FUT4: variants seen among roughly 807,000 people sequenced by gnomAD.
FUT4 encodes the protein fucosyltransferase 4.
FUT4 carries 1 observed loss-of-function variant against 3.8 expected under a neutral mutation model. That is an observed-to-expected ratio of 0.26 (90% confidence interval 0.09 to 1.25). The LOEUF (loss-of-function observed/expected upper bound fraction) is 1.25. FUT4 is among the 50% of genes most tolerant of loss of function. The pLI, the probability that FUT4 is intolerant of heterozygous loss-of-function variation, is 0.47. For missense variants in FUT4, 880 were observed against 768.2 expected (o/e 1.15, Z -1.72); for synonymous variants, 417 against 355.3 (o/e 1.17, Z -1.95).
chr11:94,545,628 T>G lies in FUT4; in HGVS notation c.1495T>G (p.Phe499Val), dbSNP rs2135198828. 1 of 1,613,174 alleles carries G rather than the reference T, an allele frequency of 6.2e-7. No individual in the cohort carries two copies. The highest frequency in any genetic ancestry group is 2.2e-5 in the East Asian group (1 of 44,852). ...RRSYAVHITS[F>V]WDEPWCRVCQ... Reference sequence around the variant, plus strand: ...GAGCTACGCTGTCCACATCACCTCCTTCTGGGACGAGCCTTGGTGCCGGGT... The same window carrying G: ...GAGCTACGCTGTCCACATCACCTCCGTCTGGGACGAGCCTTGGTGCCGGGT... Residue 499 changes from phenylalanine to valine, a missense_variant, in exon 1 of 1, where the codon TTC becomes GTC. By Grantham distance (50) the Phe-to-Val change is conservative (BLOSUM62 -1). Around this residue, in one of 3 missense-constraint regions of FUT4, gnomAD observed 424 missense variants for 400.4 expected, o/e 1.06. Transcript: ENST00000358752.
Position 94,544,482 on chromosome 11 carries a change from G to A in FUT4, c.349G>A (p.Ala117Thr). ...RSSTPADAWR[A>T]EAALPVRAMG... ...CTCCACGCCTGCGGACGCGTGGCGA[G>A]CGGAGGCAGCGCTGCCTGTTCGCGC... The change falls in exon 1 of 1, where the codon GCG (alanine) becomes ACG (threonine). Residue 117 changes from alanine to threonine, a missense_variant. Around this residue, in one of 3 missense-constraint regions of FUT4, gnomAD observed 447 missense variants for 339.5 expected, o/e 1.32. Coordinates refer to ENST00000358752, the MANE Select transcript of FUT4 (RefSeq NM_002033.4). 1 of 1,488,498 alleles carries A rather than the reference G, an allele frequency of 6.7e-7. No homozygotes were observed. The allele number at this position is 1,488,498 out of a possible 1,614,324, so 92.2% of individuals were successfully genotyped here.
chr11:94,545,750 C>T lies in FUT4; in HGVS notation c.*24C>T, dbSNP rs767968575. On this transcript the variant is annotated 3_prime_UTR_variant, in exon 1 of 1. Coordinates refer to ENST00000358752, the MANE Select transcript of FUT4 (RefSeq NM_002033.4). ...GAAGCCGCGCTCCCCTGGAAGCGAC[C>T]CAGGGGAGGCCAAGTTGTCAGCTTT... 3.1e-6 allele frequency: 5 copies of T among 1,594,024 alleles called. No homozygotes were observed. In the South Asian group the frequency reaches 5.6e-5, roughly 18 times the overall value.
In FUT4 at chr11:94,544,592, C is replaced by T. The variant is rs2135196863; in HGVS notation, c.459C>T (p.Val153=). 1.4e-6 allele frequency: 2 copies of T among 1,449,198 alleles called. No homozygotes were observed. Among genetic ancestry groups the T allele is most frequent in the Admixed American group, 2.7e-5 (1 of 36,996 alleles). The allele number at this position is 1,449,198 out of a possible 1,614,324, so 89.8% of individuals were successfully genotyped here. A position where few individuals can be genotyped will look rare whatever the true frequency, so the allele number is the denominator to read the frequency against. The change falls in exon 1 of 1, where the codon GTC becomes GTT. Residue 153 remains valine, a synonymous_variant. Coordinates refer to ENST00000358752, the MANE Select transcript of FUT4 (RefSeq NM_002033.4). ...WRRGRGLPWT[V]CVLAAAGLTC... ...GAGGCCGGGGGCTGCCATGGACCGT[C>T]TGTGTGCTGGCGGCCGCCGGCTTGA...
At position 94,549,275 on chromosome 11, in the gene FUT4, T is replaced by G. The variant is rs946488598; in HGVS notation, c.*3549T>G. On this transcript the variant is annotated 3_prime_UTR_variant, in exon 1 of 1. Coordinates refer to ENST00000358752, the MANE Select transcript of FUT4 (RefSeq NM_002033.4). ...AGTACTCAGGATAGTGCCTGGCATG[T>G]AGGAAGCACCTGGAAAATATTCGCT... 1 of 167,082 alleles carries G rather than the reference T, an allele frequency of 6.0e-6. No homozygotes were observed. Among genetic ancestry groups the G allele is most frequent in the Non-Finnish European group, 1.5e-5 (1 of 68,126 alleles). 10.3% of individuals were successfully genotyped at this position (167,082 alleles called of 1,614,324 possible). A position where few individuals can be genotyped will look rare whatever the true frequency, so the allele number is the denominator to read the frequency against.
In FUT4 at chr11:94,545,444, G is replaced by A. The variant is rs769562458; in HGVS notation, c.1311G>A (p.Pro437=). 9.9e-6 allele frequency: 16 copies of A among 1,613,044 alleles called. No homozygotes were observed. In the African/African-American group the frequency reaches 1.5e-4, roughly 15 times the overall value. The change falls in exon 1 of 1, where the codon CCG becomes CCA. Residue 437 remains proline (P), a synonymous_variant. Transcript: ENST00000358752. ...WRNALLAGAV[P]VVLGPDRANY... The stretch of plus-strand genomic sequence containing the variant: ...ACGCGTTGCTCGCTGGGGCGGTGCC[G>A]GTGGTGCTGGGCCCAGACCGTGCCA...
Position 94,549,031 on chromosome 11 carries a change from T to C in FUT4, c.*3305T>C. On this transcript the variant is annotated 3_prime_UTR_variant, in exon 1 of 1. Transcript: ENST00000358752. ...ACTCTTGAGTTTTAGCTTTCTCCTTTACAATGCATGAATGCCTATCCCCCT... is the reference window on the plus strand; with the variant it reads ...ACTCTTGAGTTTTAGCTTTCTCCTTCACAATGCATGAATGCCTATCCCCCT... The C allele has an allele frequency of 6.0e-6, 1 of 167,152 alleles. No individual in the cohort carries two copies. 10.4% of individuals were successfully genotyped at this position (167,152 alleles called of 1,614,324 possible).
chr11:94,547,035 G>C lies in FUT4; in HGVS notation c.*1309G>C, dbSNP rs942836910. The C allele has an allele frequency of 3.5e-4, 58 of 167,084 alleles. No homozygotes were observed. The highest frequency in any genetic ancestry group is 1.4e-3 in the African/African-American group (56 of 41,480). The allele number at this position is 167,084 out of a possible 1,614,324, so 10.4% of individuals were successfully genotyped here. A position where few individuals can be genotyped will look rare whatever the true frequency, so the allele number is the denominator to read the frequency against. On this transcript the variant is annotated 3_prime_UTR_variant, in exon 1 of 1. Transcript: ENST00000358752. ...ATCCTCACATTTCTAGTGCCCTTGAGACTGTGCTATGGAACCAATCTTGAA... is the reference window on the plus strand; with the variant it reads ...ATCCTCACATTTCTAGTGCCCTTGACACTGTGCTATGGAACCAATCTTGAA...
In FUT4 at chr11:94,545,012, T is replaced by C. The variant is rs1426428363; in HGVS notation, c.879T>C (p.Val293=). 1 of 1,609,312 alleles carries C rather than the reference T, an allele frequency of 6.2e-7. No individual in the cohort carries two copies. Among genetic ancestry groups the C allele is most frequent in the Non-Finnish European group, 8.5e-7 (1 of 1,177,748 alleles). Reference sequence around the variant, plus strand: ...CCAGGCCCCCGGGCCAGCGCTGGGTTTGGATGAACTTCGAGTCGCCCTCGC... The same window carrying C: ...CCAGGCCCCCGGGCCAGCGCTGGGTCTGGATGAACTTCGAGTCGCCCTCGC... ...SSPRPPGQRW[V]WMNFESPSHS... The change falls in exon 1 of 1, where the codon GTT becomes GTC. Residue 293 remains valine (V), a synonymous_variant. Coordinates refer to ENST00000358752, the MANE Select transcript of FUT4 (RefSeq NM_002033.4).
rs376143065 is a variant in FUT4, at chr11:94,545,014, G to A, written c.881G>A (p.Trp294Ter). Reference protein sequence around the residue: ...SPRPPGQRWVWMNFESPSHSP... With the variant: ...SPRPPGQRWV Reference sequence around the variant, plus strand: ...AGGCCCCCGGGCCAGCGCTGGGTTTGGATGAACTTCGAGTCGCCCTCGCAC... The same window carrying A: ...AGGCCCCCGGGCCAGCGCTGGGTTTAGATGAACTTCGAGTCGCCCTCGCAC... The change falls in exon 1 of 1, where the codon TGG (tryptophan) becomes TAG (stop). Residue 294 changes from tryptophan to a stop codon, truncating the protein, a stop_gained. Coordinates refer to ENST00000358752, the MANE Select transcript of FUT4 (RefSeq NM_002033.4). LOFTEE classifies it low-confidence loss of function (END_TRUNC). 1.4e-5 allele frequency: 23 copies of A among 1,609,406 alleles called. No individual in the cohort carries two copies. The highest frequency in any genetic ancestry group is 1.8e-5 in the Non-Finnish European group (21 of 1,177,808).
rs536791974 is a variant in FUT4 at position 94,544,663 on chromosome 11, C to A, written c.530C>A (p.Pro177Gln). 4 of 1,525,392 alleles carry A rather than the reference C, an allele frequency of 2.6e-6. No individual in the cohort carries two copies. The South Asian group carries it at 5.2e-5, about 20-fold the overall frequency. The allele number at this position is 1,525,392 out of a possible 1,614,324, so 94.5% of individuals were successfully genotyped here. A position where few individuals can be genotyped will look rare whatever the true frequency, so the allele number is the denominator to read the frequency against. Residue 177 changes from proline to glutamine, a missense_variant, in exon 1 of 1, where the codon CCG (proline) becomes CAG (glutamine). By Grantham distance (76) the Pro-to-Gln change is moderately conservative. Around this residue, in one of 3 missense-constraint regions of FUT4, gnomAD observed 447 missense variants for 339.5 expected, o/e 1.32. Coordinates refer to ENST00000358752, the MANE Select transcript of FUT4 (RefSeq NM_002033.4). ...ITYACWGQLPPLPWASPTPSR... is the reference protein window; with the variant it reads ...ITYACWGQLPQLPWASPTPSR... ...TACGCTTGCTGGGGGCAGCTGCCGC[C>A]GCTGCCCTGGGCGTCGCCAACCCCG...
At position 94,545,283 on chromosome 11, in the gene FUT4, G is replaced by A. The variant is rs530229050; in HGVS notation, c.1150G>A (p.Asp384Asn). 5.1e-4 allele frequency: 822 copies of A among 1,612,152 alleles called. 16 individuals are homozygous for A. In the South Asian group the frequency reaches 8.6e-3, roughly 17 times the overall value. Residue 384 changes from aspartate (D) to asparagine (N), a missense_variant, in exon 1 of 1, where the codon GAC becomes AAC. Coordinates refer to ENST00000358752, the MANE Select transcript of FUT4 (RefSeq NM_002033.4). ...CCAACTGAGCCAACATGTGACCGTG[G>A]ACGTGTTCGGCCGGGGCGGGCCGGG... ...YHQLSQHVTV[D>N]VFGRGGPGQP...
At position 94,545,384 on chromosome 11, in the gene FUT4, G is replaced by A. The variant is rs763913859; in HGVS notation, c.1251G>A (p.Gln417=). The A allele has an allele frequency of 1.2e-6, 2 of 1,612,894 alleles. No individual in the cohort carries two copies. Among genetic ancestry groups the A allele is most frequent in the Non-Finnish European group, 1.7e-6 (2 of 1,179,848 alleles). The change falls in exon 1 of 1, where the codon CAG becomes CAA. Residue 417 remains glutamine, a synonymous_variant. Coordinates refer to ENST00000358752, the MANE Select transcript of FUT4 (RefSeq NM_002033.4). The part of the protein sequence containing the change: ...YKFYLAFENS[Q]HLDYITEKLW... ...TCTACCTGGCTTTCGAGAACTCGCA[G>A]CACCTGGATTATATCACCGAGAAGC... is the stretch of plus-strand genomic sequence containing the variant.
rs1565259807 is a variant in FUT4, at chr11:94,546,125, C to G, written c.*399C>G. On this transcript the variant is annotated 3_prime_UTR_variant, in exon 1 of 1. Coordinates refer to ENST00000358752, the MANE Select transcript of FUT4 (RefSeq NM_002033.4). ...TTCCAAATCTCATACACAACTGTTCCCGATTCACGTTTTTCTGGACCAAGG... is the reference window on the plus strand; with the variant it reads ...TTCCAAATCTCATACACAACTGTTCGCGATTCACGTTTTTCTGGACCAAGG... 5.7e-6 allele frequency: 2 copies of G among 353,972 alleles called. No individual in the cohort carries two copies. The highest frequency in any genetic ancestry group is 4.8e-5 in the South Asian group (2 of 41,548). 21.9% of individuals were successfully genotyped at this position (353,972 alleles called of 1,614,324 possible). A position where few individuals can be genotyped will look rare whatever the true frequency, so the allele number is the denominator to read the frequency against.
In FUT4 at chr11:94,545,199, C is replaced by T; in HGVS notation, c.1066C>T (p.Leu356=). ...CCCGCCACTGTCCAGGAAACAGGGG[C>T]TGGTGGCATGGGTGGTGAGCCACTG... ...LAPPLSRKQG[L]VAWVVSHWDE... is the part of the protein sequence containing the mutation. The change falls in exon 1 of 1, where the codon CTG becomes TTG. Residue 356 remains leucine, a synonymous_variant. Transcript: ENST00000358752. 1 of 1,611,204 alleles carries T rather than the reference C, an allele frequency of 6.2e-7. No individual in the cohort carries two copies. The highest frequency in any genetic ancestry group is 1.1e-5 in the South Asian group (1 of 91,054).
At position 94,544,288 on chromosome 11, in the gene FUT4, C is replaced by G; in HGVS notation, c.155C>G (p.Ser52Cys). 4 of 1,558,566 alleles carry G rather than the reference C, an allele frequency of 2.6e-6. No homozygotes were observed. The highest frequency in any genetic ancestry group is 3.5e-6 in the Non-Finnish European group (4 of 1,157,626). ...GGACGGGCGGTGCCCGGTTGGGCGT[C>G]CTGGCCAGCTCACCTTGCCCTGGCG... ...RKGRAVPGWA[S>C]WPAHLALAAR... Residue 52 changes from serine to cysteine, a missense_variant, in exon 1 of 1, where the codon TCC (serine) becomes TGC (cysteine). Ser to Cys is a moderately radical substitution (Grantham distance 112, BLOSUM62 -1). Coordinates refer to ENST00000358752, the MANE Select transcript of FUT4 (RefSeq NM_002033.4).
In FUT4 at chr11:94,544,777, T is replaced by A. The variant is rs1433512416; in HGVS notation, c.644T>A (p.Phe215Tyr). ...CCGCCCCCTGACTGCCGGCTGCGCT[T>A]CAACATCAGCGGCTGCCGCCTGCTC... Reference protein sequence around the residue: ...PRPPPDCRLRFNISGCRLLTD... With the variant: ...PRPPPDCRLRYNISGCRLLTD... The change falls in exon 1 of 1, where the codon TTC (phenylalanine) becomes TAC (tyrosine). Residue 215 changes from phenylalanine to tyrosine, a missense_variant. Transcript: ENST00000358752. 1 of 1,586,950 alleles carries A rather than the reference T, an allele frequency of 6.3e-7. No individual in the cohort carries two copies. The highest frequency in any genetic ancestry group is 1.3e-5 in the African/African-American group (1 of 74,580).
chr11:94,544,894 G>A lies in FUT4; in HGVS notation c.761G>A (p.Gly254Asp), dbSNP rs1431980780. The A allele has an allele frequency of 1.2e-6, 2 of 1,608,970 alleles. No individual in the cohort carries two copies. Among genetic ancestry groups the A allele is most frequent in the Admixed American group, 1.7e-5 (1 of 59,846 alleles). The change falls in exon 1 of 1, where the codon GGC becomes GAC. Residue 254 changes from glycine (G) to aspartate (D), a missense_variant. By Grantham distance (94) the Gly-to-Asp change is moderately conservative. This residue lies in a region of FUT4 where 424 missense variants were observed against 400.4 expected (regional missense o/e 1.06). Transcript: ENST00000358752. ...KGPPDWPPPW[G>D]IQAHTAEEVD... The stretch of plus-strand genomic sequence containing the variant: ...CCCCCCGACTGGCCCCCGCCCTGGG[G>A]CATCCAGGCGCACACTGCCGAGGAG...
chr11:94,544,840 T>C lies in FUT4; in HGVS notation c.707T>C (p.Leu236Pro). 1 of 1,605,326 alleles carries C rather than the reference T, an allele frequency of 6.2e-7. No individual in the cohort carries two copies. Among genetic ancestry groups the C allele is most frequent in the East Asian group, 2.2e-5 (1 of 44,810 alleles). Residue 236 changes from leucine (L) to proline (P), a missense_variant, in exon 1 of 1, where the codon CTT becomes CCT. Leu to Pro is a moderately conservative substitution (Grantham distance 98). Coordinates refer to ENST00000358752, the MANE Select transcript of FUT4 (RefSeq NM_002033.4). ...RASYGEAQAVLFHHRDLVKGP... is the reference protein window; with the variant it reads ...RASYGEAQAVPFHHRDLVKGP... ...TCCTACGGAGAGGCTCAGGCCGTGC[T>C]TTTCCACCACCGCGACCTCGTGAAG...
chr11:94,549,567 T>G lies in FUT4; in HGVS notation c.*3841T>G, dbSNP rs1947903050. On this transcript the variant is annotated 3_prime_UTR_variant, in exon 1 of 1. Transcript: ENST00000358752. ...GCTTTCCAATGTGGCTTCCTTACAGTCTGGAACTGACAATATGCAGGAGCA... is the reference window on the plus strand; with the variant it reads ...GCTTTCCAATGTGGCTTCCTTACAGGCTGGAACTGACAATATGCAGGAGCA... The G allele has an allele frequency of 6.0e-6, 1 of 167,070 alleles. No homozygotes were observed. The highest frequency in any genetic ancestry group is 2.4e-5 in the African/African-American group (1 of 41,436). 10.3% of individuals were successfully genotyped at this position (167,070 alleles called of 1,614,324 possible).
Sources: gnomAD v4.1 joint callset for allele counts on GRCh38, gnomAD v4.1.1 for gene constraint, gnomAD v4.1.1 regional missense constraint, MANE v1.5 for transcripts, NCBI Gene and HGNC (gene_info 2026-07-23, HGNC 2026-07-21) for gene names.